Variants in SERPINB8 observed in about 807,000 individuals in gnomAD.
SERPINB8 encodes the protein serpin B8.
SERPINB8 carries 25 observed loss-of-function variants against 35.3 expected under a neutral mutation model. The observed-to-expected ratio is 0.71, with a 90% CI of 0.52 to 0.99. The LOEUF is 0.99. Ranked by LOEUF, SERPINB8 falls within the 50% of genes least tolerant of loss-of-function variation. SERPINB8 has a pLI of 0.00. For synonymous variants in SERPINB8, 186 were observed against 160.8 expected, an observed-to-expected ratio of 1.16 and a Z score of -1.19; for missense variants, 484 against 446.5, an observed-to-expected ratio of 1.08 and a Z score of -0.76.
intron 1 of SERPINB8, among the ~76,000 whole-genome samples, chr18:63,973,509 G>C (rs1178828315): frequency 6.6e-6 from 1 of 152,148 alleles, no homozygotes; most frequent in African/African-American, 2.4e-5. Flanking sequence ...GATCCCATTT[G>C]TCTACTTTGG....
chr18:64,013,240 C>T (rs570593957), intron 7 of SERPINB8, among the ~76,000 whole-genome samples: 1 of 152,112 alleles, frequency 6.6e-6, no homozygotes, highest in South Asian at 2.1e-4. Context: ...TTCTGATTCC[C>T]CCCAGTGCCT....
chr18:64,012,868 A>G (rs1176806295), intron 7 of SERPINB8, among the ~76,000 whole-genome samples: 3 of 152,138 alleles, frequency 2.0e-5, no homozygotes, highest in African/African-American at 7.2e-5. Context: ...CTAATTGGGC[A>G]GCCTGCTTTT....
At chr18:63,982,067 C>T (rs141489399) in intron 4 of SERPINB8, among the ~76,000 whole-genome samples, 3 of 152,250 alleles carry the variant, frequency 2.0e-5, no homozygotes, top group Non-Finnish European at 2.9e-5. Context: ...CCCTGTGGAC[C>T]GTGCTGGAAA....
downstream of SERPINB8, among the ~76,000 whole-genome samples, chr18:63,991,355 G>A (rs2050824206): frequency 6.6e-6 from 1 of 151,908 alleles, no homozygotes; most frequent in African/African-American, 2.4e-5. Context: ...AACAAGGCAT[G>A]TTTCTCATTC....
exon 8 of SERPINB8, chr18:64,019,720 C>G (rs540518989): frequency 6.1e-4 from 93 of 151,784 alleles, no homozygotes; most frequent in African/African-American, 2.2e-3. Context: ...TTTGATGGCC[C>G]ATGAACTCCC....
At chr18:63,979,389 C>G (rs1259740068) in intron 2 of SERPINB8, among the ~76,000 whole-genome samples, 1 of 152,084 alleles carries the variant, frequency 6.6e-6, no homozygotes, top group Non-Finnish European at 1.5e-5. Context: ...TTCTGCCTTC[C>G]CCCTGAATTA....
At chr18:63,979,206 G>C (rs955402528) in intron 2 of SERPINB8, among the ~76,000 whole-genome samples, 1 of 152,160 alleles carries the variant, frequency 6.6e-6, no homozygotes, top group Non-Finnish European at 1.5e-5. Context: ...TTTGGACTGG[G>C]GGTGATCGAG....
At chr18:63,979,745 C>A in intron 2 of SERPINB8, 56 bp from the exon 3 acceptor site, 1 of 1,602,470 alleles carries the variant, frequency 6.2e-7, no homozygotes, top group Non-Finnish European at 8.5e-7. Context: ...TTGGAGAAAG[C>A]TCTTTGGGAG....
At chr18:64,010,270 C>G (rs544510239), downstream of SERPINB8, among the ~76,000 whole-genome samples, 251 of 152,210 alleles carry the variant, frequency 1.6e-3, no homozygotes, top group Middle Eastern at 0.014. Flanking sequence ...GATACCAAAT[C>G]TTGGCAAACA....
Position 63,987,435 on chromosome 18 carries a change from T to G in SERPINB8, c.*157T>G. ...TCTTTGCTGAAAGTTCCAGAGCCAT[T>G]GAGAATAACTGAGGCCGCAGATGCA... On this transcript the variant is annotated 3_prime_UTR_variant, in exon 7 of 7. Transcript: ENST00000397985. 1.3e-6 allele frequency: 1 copy of G among 766,338 alleles called. No homozygotes were observed. Among genetic ancestry groups the G allele is most frequent in the Non-Finnish European group, 2.0e-6 (1 of 489,502 alleles). The allele number at this position is 766,338 out of a possible 1,614,324, so 47.5% of individuals were successfully genotyped here.
Position 63,978,304 on chromosome 18 carries a change from C to G in SERPINB8, c.-5C>G. On this transcript the variant is annotated 5_prime_UTR_variant, in exon 2 of 7. Transcript: ENST00000397985. ...CTGCTGTGCCTTTGATGCAGACCTT[C>G]TCTGATGGATGACCTCTGTGAAGCA... 1 of 1,614,176 alleles carries G rather than the reference C, an allele frequency of 6.2e-7. No homozygotes were observed. Among genetic ancestry groups the G allele is most frequent in the South Asian group, 1.1e-5 (1 of 91,086 alleles).
chr18:64,001,719 T>G (rs2050876055), intron 1 of SERPINB8, among the ~76,000 whole-genome samples: 1 of 151,622 alleles, frequency 6.6e-6, no homozygotes, highest in South Asian at 2.1e-4. Context: ...ACCCCTGACC[T>G]CAGGTGATCC....
intron 1 of SERPINB8, among the ~76,000 whole-genome samples, chr18:64,002,930 A>G (rs529004472): frequency 6.6e-6 from 1 of 152,192 alleles, no homozygotes; most frequent in Admixed American, 6.5e-5. Flanking sequence ...CCGGGATAAT[A>G]AGGTCTGTGG....
At chr18:64,007,791 T>C (rs10048342), downstream of SERPINB8, among the ~76,000 whole-genome samples, 89,934 of 151,900 alleles carry the variant, frequency 0.59, 26,931 homozygotes, top group East Asian at 0.69. Context: ...AAATCTGTCC[T>C]TGTGATCCAA....
At chr18:63,994,337 T>TTCTC (rs374249422), downstream of SERPINB8, among the ~76,000 whole-genome samples, 5 of 149,742 alleles carry the variant, frequency 3.3e-5, no homozygotes, top group Admixed American at 6.7e-5. Flanking sequence ...CCCTCTCTCT[T>TTCTC]TCTCTCTCTC....
At chr18:63,982,320 T>G (rs1260578253) in intron 4 of SERPINB8, among the ~76,000 whole-genome samples, 2 of 152,192 alleles carry the variant, frequency 1.3e-5, no homozygotes, top group African/African-American at 4.8e-5. Context: ...TTTCTGAATT[T>G]GTTCCCTATT....
rs1244525388 is a variant in SERPINB8 at position 63,989,201 on chromosome 18, C to T, written c.*1923C>T. On this transcript the variant is annotated 3_prime_UTR_variant, in exon 7 of 7. Coordinates refer to ENST00000397985, the MANE Select transcript of SERPINB8 (RefSeq NM_002640.4). ...CACTCAGTACAATTATTTTGAGATTCATTTATGTTATTGTATGTATCAATA... is the reference window on the plus strand; with the variant it reads ...CACTCAGTACAATTATTTTGAGATTTATTTATGTTATTGTATGTATCAATA... 2 of 152,122 alleles carry T rather than the reference C, an allele frequency of 1.3e-5. No homozygotes were observed. The highest frequency in any genetic ancestry group is 1.5e-5 in the Non-Finnish European group (1 of 68,016). The allele number at this position is 152,122 out of a possible 1,614,324, so 9.4% of individuals were successfully genotyped here. A position where few individuals can be genotyped will look rare whatever the true frequency, so the allele number is the denominator to read the frequency against.
intron 3 of SERPINB8, 132 bp downstream of exon 3, chr18:63,980,070 T>C (rs1364742435): frequency 8.2e-6 from 7 of 854,270 alleles, no homozygotes; most frequent in Non-Finnish European, 1.3e-5. Flanking sequence ...CAATTTTAGA[T>C]TTTATGATGA....
At chr18:63,982,854 G>T (rs2050693156) in intron 4 of SERPINB8, among the ~76,000 whole-genome samples, 1 of 152,030 alleles carries the variant, frequency 6.6e-6, no homozygotes, top group Non-Finnish European at 1.5e-5. Context: ...CCTTGGAGAT[G>T]ACCTTGTTAC....
Sources: allele counts gnomAD v4.1 joint callset (sites outside exome capture counted in the v4.1 genomes callset), GRCh38; gene constraint gnomAD v4.1.1; transcripts MANE v1.5; gene names NCBI Gene and HGNC (gene_info 2026-07-23, HGNC 2026-07-21).